CSMD1: variants seen among roughly 807,000 people sequenced by gnomAD.
CSMD1 encodes CUB and sushi domain-containing protein 1.
CSMD1 carries 213 observed loss-of-function variants against 417.5 expected under a neutral mutation model. The observed-to-expected ratio is 0.51, with a 90% CI of 0.46 to 0.57. CSMD1 has a LOEUF of 0.57. Among genes scored for constraint, CSMD1 ranks in the 20% least tolerant of loss-of-function variants. The probability of loss-of-function intolerance (pLI) is 0.00; values close to 1 mark genes in which losing one functional copy is unlikely to be tolerated. For synonymous variants in CSMD1, 2,862 were observed against 1,736.8 expected (o/e 1.65, Z -16.11); for missense variants, 6,923 against 4,529.7 (o/e 1.53, Z -15.17).
intron 5 of CSMD1, among the ~76,000 whole-genome samples, chr8:3,834,718 A>T (rs1386507507): frequency 6.6e-6 from 1 of 152,026 alleles, no homozygotes; most frequent in African/African-American, 2.4e-5. Flanking sequence ...GCAGATTAGA[A>T]ATTTGGACGG....
At chr8:4,414,375 A>C (rs1292479288) in intron 3 of CSMD1, among the ~76,000 whole-genome samples, 2 of 152,170 alleles carry the variant, frequency 1.3e-5, no homozygotes, top group Non-Finnish European at 2.9e-5. Context: ...CTCTGGTGAA[A>C]ATTCAAGGAC....
chr8:3,051,427 A>C (rs558778412), intron 50 of CSMD1, among the ~76,000 whole-genome samples: 1 of 152,296 alleles, frequency 6.6e-6, no homozygotes, highest in South Asian at 2.1e-4. Context: ...GCAGCAACAG[A>C]CACTGGGGCC....
chr8:3,000,613 A>G (rs1235345086), intron 52 of CSMD1, among the ~76,000 whole-genome samples: 1 of 152,192 alleles, frequency 6.6e-6, no homozygotes, highest in Non-Finnish European at 1.5e-5. Flanking sequence ...GGATCAGAGA[A>G]TAAGTTCAAT....
intron 26 of CSMD1, among the ~76,000 whole-genome samples, chr8:3,258,918 A>G (rs941014290): frequency 6.6e-6 from 1 of 152,228 alleles, no homozygotes; most frequent in South Asian, 2.1e-4. Flanking sequence ...ATAAAGGGGA[A>G]CAATAGACAC....
At chr8:3,965,364 T>C (rs886281936) in intron 5 of CSMD1, among the ~76,000 whole-genome samples, 1 of 152,050 alleles carries the variant, frequency 6.6e-6, no homozygotes, top group Admixed American at 6.5e-5. Context: ...TTTTGAAGAG[T>C]TTGTGTGAAC....
At chr8:4,424,430 C>T (rs544353315) in intron 2 of CSMD1, among the ~76,000 whole-genome samples, 2 of 151,776 alleles carry the variant, frequency 1.3e-5, no homozygotes, top group Admixed American at 1.3e-4. Context: ...AATAAGCCCA[C>T]GAATATTTAC....
At position 4,764,993 on chromosome 8, in the gene CSMD1, T is replaced by C. The variant is rs188517193; in HGVS notation, c.86-127435A>G. ...TAAAATTCTAGAGCTGTTTATTGAA[T>C]ACCCTGGAATGGCTATTTCTTGTTT... is the stretch of plus-strand genomic sequence containing the variant. On this transcript the variant is annotated intron_variant, in intron 1 of 69. Transcript: ENST00000635120. 4.4e-3 allele frequency among the ~76,000 whole-genome samples: 667 copies of C among 151,780 alleles called. 2 individuals carry two copies. The highest frequency in any genetic ancestry group is 0.015 in the African/African-American group (637 of 41,412).
chr8:3,921,805 A>G (rs1015062436), intron 5 of CSMD1, among the ~76,000 whole-genome samples: 1 of 152,198 alleles, frequency 6.6e-6, no homozygotes, highest in African/African-American at 2.4e-5. Context: ...GGCCTAACAT[A>G]TGATCTATCC....
intron 15 of CSMD1, among the ~76,000 whole-genome samples, chr8:3,400,652 A>G (rs1021090404): frequency 6.6e-6 from 1 of 152,028 alleles, no homozygotes; most frequent in African/African-American, 2.4e-5. Context: ...TCTTTGCAAT[A>G]GAATGTTAAA....
At chr8:4,746,728 T>C (rs1810979082) in intron 1 of CSMD1, among the ~76,000 whole-genome samples, 1 of 152,140 alleles carries the variant, frequency 6.6e-6, no homozygotes, top group Non-Finnish European at 1.5e-5. Context: ...ACAATCCACC[T>C]CGGTGGGAGT....
intron 1 of CSMD1, among the ~76,000 whole-genome samples, chr8:4,728,736 A>G (rs1809638702): frequency 6.6e-6 from 1 of 152,150 alleles, no homozygotes; most frequent in South Asian, 2.1e-4. Context: ...TAGATGCTCA[A>G]TTAATATTTC....
At chr8:4,892,282 T>G (rs1804172135) in intron 1 of CSMD1, among the ~76,000 whole-genome samples, 1 of 152,120 alleles carries the variant, frequency 6.6e-6, no homozygotes, top group Non-Finnish European at 1.5e-5. Flanking sequence ...GGTGTCCCTT[T>G]ATTTTAAAAG....
At chr8:4,627,674 G>A (rs897907990) in intron 2 of CSMD1, among the ~76,000 whole-genome samples, 8 of 152,060 alleles carry the variant, frequency 5.3e-5, no homozygotes, top group Non-Finnish European at 7.4e-5. Context: ...CAGCTGCTCC[G>A]GGATGCCCCA....
chr8:3,276,062 A>G (rs1169619800), intron 26 of CSMD1, among the ~76,000 whole-genome samples: 1 of 151,948 alleles, frequency 6.6e-6, no homozygotes, highest in Non-Finnish European at 1.5e-5. Context: ...TTGTGGTTTT[A>G]TCTACTTTTG....
chr8:4,416,499 C>T (rs1487625265), intron 3 of CSMD1, among the ~76,000 whole-genome samples: 1 of 151,872 alleles, frequency 6.6e-6, no homozygotes, highest in East Asian at 1.9e-4. Flanking sequence ...ACTTTAGAAC[C>T]AAAATAATGA....
intron 21 of CSMD1, among the ~76,000 whole-genome samples, chr8:3,357,332 TAG>T (rs1256809949): frequency 6.6e-6 from 1 of 152,218 alleles, no homozygotes; most frequent in Non-Finnish European, 1.5e-5. Context: ...GCAAAGTTTG[TAG>T]AGTCTTTTTG....
At chr8:3,236,652 T>C (rs1799171148) in intron 26 of CSMD1, among the ~76,000 whole-genome samples, 1 of 152,222 alleles carries the variant, frequency 6.6e-6, no homozygotes, top group East Asian at 1.9e-4. Context: ...CTTCACAAAG[T>C]GATTGGCAGA....
At chr8:3,741,620 G>A (rs1170284716) in intron 6 of CSMD1, among the ~76,000 whole-genome samples, 1 of 152,178 alleles carries the variant, frequency 6.6e-6, no homozygotes, top group East Asian at 1.9e-4. Context: ...TGCAAATAGT[G>A]CAGACAGATA....
chr8:4,030,406 C>A (rs549026714), intron 4 of CSMD1, among the ~76,000 whole-genome samples: 2 of 152,348 alleles, frequency 1.3e-5, no homozygotes, highest in East Asian at 3.9e-4. Context: ...GCAGGCTCAA[C>A]ACCACATGGA....
Sources: gnomAD v4.1 joint callset for allele counts (sites outside exome capture counted in the v4.1 genomes callset) on GRCh38, gnomAD v4.1.1 for gene constraint, MANE v1.5 for transcripts, NCBI Gene and HGNC (gene_info 2026-07-23, HGNC 2026-07-21) for gene names.